Variants in CTNNA2 observed in about 807,000 individuals in gnomAD.
CTNNA2 encodes catenin alpha 2.
A neutral mutation model predicts 101.0 loss-of-function variants in CTNNA2; 42 were observed. That is an observed-to-expected ratio of 0.42 (90% CI 0.32 to 0.54). The LOEUF (loss-of-function observed/expected upper bound fraction) is 0.54. Among genes scored for constraint, CTNNA2 ranks in the 20% least tolerant of loss-of-function variants. The pLI is 0.14. For missense variants in CTNNA2, 871 were observed against 1,223.1 expected (o/e 0.71, Z 4.29); for synonymous variants, 450 against 456.4 (o/e 0.99, Z 0.18).
At chr2:79,714,780 T>C (rs1685964119) in intron 2 of CTNNA2, among the ~76,000 whole-genome samples, 1 of 152,190 alleles carries the variant, frequency 6.6e-6, no homozygotes, top group African/African-American at 2.4e-5. Context: ...TTTATTAATC[T>C]GTCCACTTTT....
intron 6 of CTNNA2, among the ~76,000 whole-genome samples, chr2:79,887,554 A>G (rs1026873161): frequency 2.0e-5 from 3 of 152,130 alleles, no homozygotes; most frequent in African/African-American, 4.8e-5. Flanking sequence ...TTATGCAGAT[A>G]TTATATATTT....
chr2:80,563,559 T>C (rs990998972), intron 12 of CTNNA2, among the ~76,000 whole-genome samples: 2 of 152,160 alleles, frequency 1.3e-5, no homozygotes, highest in Non-Finnish European at 2.9e-5. Flanking sequence ...ATTTGTTTTG[T>C]AGAGACAGGT....
rs775910242 is a variant in CTNNA2, at chr2:80,302,759, A to G, written c.1057-90452A>G. 1.2e-6 allele frequency: 2 copies of G among 1,613,228 alleles called. No individual in the cohort carries two copies. The highest frequency in any genetic ancestry group is 1.7e-5 in the Admixed American group (1 of 59,988). On this transcript the variant is annotated intron_variant, in intron 7 of 18. Transcript: ENST00000402739. The surrounding 1 kb of genome is among the most constrained non-coding windows in gnomAD (Gnocchi z 6.4). ...CAGGTGGAAGGCGTACACGGCGTCCAGGACGTCCTCGCCCTGTGCGTACTC... is the reference window on the plus strand; with the variant it reads ...CAGGTGGAAGGCGTACACGGCGTCCGGGACGTCCTCGCCCTGTGCGTACTC...
intron 1 of CTNNA2, among the ~76,000 whole-genome samples, chr2:79,197,706 T>C (rs774397380): frequency 1.3e-5 from 2 of 152,222 alleles, no homozygotes; most frequent in East Asian, 1.9e-4. Context: ...TGATCATCCA[T>C]GCATCCATGA....
At chr2:79,221,957 T>C (rs1237385309) in intron 2 of CTNNA2, among the ~76,000 whole-genome samples, 1 of 152,046 alleles carries the variant, frequency 6.6e-6, no homozygotes, top group Non-Finnish European at 1.5e-5. Context: ...GTACTACTAC[T>C]CAAAGAAAGG....
intron 7 of CTNNA2, among the ~76,000 whole-genome samples, chr2:80,037,847 C>T (rs1039518184): frequency 1.3e-5 from 2 of 152,110 alleles, no homozygotes; most frequent in African/African-American, 4.8e-5. Flanking sequence ...CCACTTCATT[C>T]TTGATACCCA....
intron 9 of CTNNA2, among the ~76,000 whole-genome samples, chr2:80,539,240 C>T (rs142532062): frequency 6.6e-6 from 1 of 151,638 alleles, no homozygotes; most frequent in African/African-American, 2.4e-5. Context: ...AGGATAGATG[C>T]CAATTGTAAT....
chr2:80,469,842 C>G (rs1346594199), intron 9 of CTNNA2, among the ~76,000 whole-genome samples: 1 of 152,164 alleles, frequency 6.6e-6, no homozygotes, highest in East Asian at 1.9e-4. Context: ...CATCCTATCA[C>G]TAACTTCTCT....
chr2:79,467,733 A>C (rs917831049), intron 4 of CTNNA2, among the ~76,000 whole-genome samples: 1 of 152,218 alleles, frequency 6.6e-6, no homozygotes, highest in African/African-American at 2.4e-5. Context: ...CAACATTCTT[A>C]AAGAAAAGAA....
chr2:79,511,992 T>C (rs1671556976), upstream of CTNNA2, among the ~76,000 whole-genome samples: 1 of 152,038 alleles, frequency 6.6e-6, no homozygotes, highest in African/African-American at 2.4e-5. Flanking sequence ...TTCTCTCTCT[T>C]GATTTAAAAC....
intron 1 of CTNNA2, among the ~76,000 whole-genome samples, chr2:79,564,415 T>A (rs183028967): frequency 2.0e-4 from 30 of 152,228 alleles, no homozygotes; most frequent in African/African-American, 7.2e-4. Context: ...AAAGGTGAAC[T>A]AATAATAGTC....
At chr2:80,217,075 G>A (rs978270068) in intron 7 of CTNNA2, among the ~76,000 whole-genome samples, 3 of 151,830 alleles carry the variant, frequency 2.0e-5, no homozygotes, top group Non-Finnish European at 2.9e-5. Flanking sequence ...CAAGTGATCT[G>A]CCCACCTCGG....
At chr2:79,989,458 T>A (rs557742) in intron 7 of CTNNA2, among the ~76,000 whole-genome samples, 70,107 of 151,514 alleles carry the variant, frequency 0.46, 18,781 homozygotes, top group Non-Finnish European at 0.62. Flanking sequence ...ATCCCGTCTA[T>A]ACAAAAACAA....
At chr2:80,283,129 A>G (rs992208881) in intron 7 of CTNNA2, among the ~76,000 whole-genome samples, 10 of 152,116 alleles carry the variant, frequency 6.6e-5, no homozygotes, top group Non-Finnish European at 1.5e-5. Flanking sequence ...AGGACAAATA[A>G]CTAGTTTTAA....
At chr2:80,516,772 G>T (rs1311928363) in intron 9 of CTNNA2, among the ~76,000 whole-genome samples, 1 of 152,210 alleles carries the variant, frequency 6.6e-6, no homozygotes, top group African/African-American at 2.4e-5. Context: ...TTGGTCTCAA[G>T]TGAGCAAGAA....
intron 9 of CTNNA2, among the ~76,000 whole-genome samples, chr2:80,445,107 T>A (rs1682957077): frequency 6.6e-6 from 1 of 152,144 alleles, no homozygotes; most frequent in South Asian, 2.1e-4. Context: ...GCCATGAACC[T>A]CATTATCTGC....
At chr2:79,683,884 C>T (rs1190012311) in intron 2 of CTNNA2, among the ~76,000 whole-genome samples, 1 of 152,224 alleles carries the variant, frequency 6.6e-6, no homozygotes, top group Non-Finnish European at 1.5e-5. Context: ...CCCTGTCACA[C>T]AACTTGAAGA....
chr2:79,340,389 C>G (rs1408239291), intron 3 of CTNNA2, among the ~76,000 whole-genome samples: 4 of 152,106 alleles, frequency 2.6e-5, no homozygotes, highest in African/African-American at 9.7e-5. Context: ...ACAACAGAGG[C>G]TATTCCTCTC....
At chr2:80,120,505 A>G (rs1701772702) in intron 7 of CTNNA2, among the ~76,000 whole-genome samples, 1 of 152,288 alleles carries the variant, frequency 6.6e-6, no homozygotes, top group African/African-American at 2.4e-5. Context: ...TTTTTGTTCC[A>G]AGGTTAAGAG....
Sources: allele counts gnomAD v4.1 joint callset (sites outside exome capture counted in the v4.1 genomes callset), GRCh38; gene constraint gnomAD v4.1.1; non-coding constraint Gnocchi (gnomAD v3.1); transcripts MANE v1.5; gene names NCBI Gene and HGNC (gene_info 2026-07-23, HGNC 2026-07-21).